SVEP1: variants seen among roughly 807,000 people sequenced by gnomAD.
The protein encoded by SVEP1 is sushi, von Willebrand factor type A, EGF and pentraxin domain containing 1, also known as sushi, von Willebrand factor type A, EGF and pentraxin domain-containing protein 1.
In SVEP1, 164 loss-of-function variants were observed where a neutral mutation model predicts 367.3. The observed-to-expected ratio is 0.45, with a 90% CI of 0.39 to 0.51. The LOEUF is 0.51. Ranked by LOEUF, SVEP1 falls within the 20% of genes least tolerant of loss-of-function variation. The probability of loss-of-function intolerance (pLI) is 0.00; values close to 1 mark genes in which losing one functional copy is unlikely to be tolerated. For synonymous variants in SVEP1, 1,666 were observed against 1,611.6 expected (o/e 1.03, Z -0.81); for missense variants, 4,117 against 4,425.3 (o/e 0.93, Z 1.98).
intron 40 of SVEP1, among the ~76,000 whole-genome samples, chr9:110,390,275 T>TTATATAAGTATGTGTATATATACG (rs1564127458): frequency 0.12 from 8,038 of 67,008 alleles, 621 homozygotes; most frequent in African/African-American, 0.13. Flanking sequence ...ATATATATAC[T>TTATATAAGTATGTGTATATATACG]TATATATATA....
chr9:110,447,087 A>G (rs1428429663), intron 24 of SVEP1, 30 bp from the exon 25 acceptor site: 5 of 1,443,868 alleles, frequency 3.5e-6, no homozygotes, highest in Non-Finnish European at 3.6e-6. Flanking sequence ...TGTAACAATT[A>G]GAACAGTTGT....
intron 3 of SVEP1, among the ~76,000 whole-genome samples, chr9:110,527,372 T>A (rs1829952460): frequency 1.3e-5 from 2 of 152,022 alleles, no homozygotes; most frequent in Non-Finnish European, 2.9e-5. Context: ...GCAGAGAAAC[T>A]GCATTTTTTA....
intron 2 of SVEP1, among the ~76,000 whole-genome samples, chr9:110,549,342 T>C (rs1830255434): frequency 6.6e-6 from 1 of 152,166 alleles, no homozygotes; most frequent in South Asian, 2.1e-4. Context: ...CCTTCCCTTT[T>C]AGGGTTAATG....
intron 8 of SVEP1, among the ~76,000 whole-genome samples, chr9:110,492,696 TG>T (rs942128071): frequency 6.6e-6 from 1 of 151,896 alleles, no homozygotes; most frequent in African/African-American, 2.4e-5. Context: ...GGGCAAGGAA[TG>T]GGGAGGAATA....
At chr9:110,491,884 T>C (rs1471485305) in intron 8 of SVEP1, among the ~76,000 whole-genome samples, 2 of 152,066 alleles carry the variant, frequency 1.3e-5, no homozygotes, top group Non-Finnish European at 2.9e-5. Flanking sequence ...GCTATGACTG[T>C]ACATAAAAAG....
intron 18 of SVEP1, among the ~76,000 whole-genome samples, chr9:110,463,123 CT>C (rs1200348292): frequency 1.3e-5 from 2 of 151,944 alleles, no homozygotes; most frequent in Non-Finnish European, 1.5e-5. Flanking sequence ...CCTGAGCCTC[CT>C]TTTAACTTCA....
rs1829745394 is a variant in SVEP1 at position 110,512,977 on chromosome 9, T to C, written c.1252A>G (p.Ile418Val). The C allele has an allele frequency of 6.2e-7, 1 of 1,613,898 alleles. No individual in the cohort carries two copies. The highest frequency in any genetic ancestry group is 1.3e-5 in the African/African-American group (1 of 74,934). The part of the protein sequence containing the change: ...PGFDLVGSSI[I>V]LCLPNGLWSG... ...CACAAACCATTGGGTAGACATAAGA[T>C]GATGCTGCTTCCCACAAGATCAAAT... is the stretch of plus-strand genomic sequence containing the variant. Residue 418 changes from isoleucine (I) to valine (V), a missense_variant, in exon 5 of 48, where the codon ATC (isoleucine) becomes GTC (valine). Transcript: ENST00000374469.
chr9:110,522,945 T>G (rs1420913459), intron 3 of SVEP1, among the ~76,000 whole-genome samples: 2 of 152,236 alleles, frequency 1.3e-5, no homozygotes, highest in Non-Finnish European at 2.9e-5. Flanking sequence ...TTGCCTTTTC[T>G]ACTTTGCTTC....
intron 1 of SVEP1, among the ~76,000 whole-genome samples, chr9:110,558,579 C>T (rs1830384203): frequency 6.9e-6 from 1 of 145,900 alleles, no homozygotes; most frequent in South Asian, 2.2e-4. Context: ...AAAGTCAAAA[C>T]CTCCATAAAA....
intron 36 of SVEP1, among the ~76,000 whole-genome samples, chr9:110,424,485 A>G (rs945216614): frequency 3.9e-5 from 6 of 152,232 alleles, no homozygotes; most frequent in Non-Finnish European, 8.8e-5. Flanking sequence ...ATAAAGACAA[A>G]TATCCATGTT....
chr9:110,438,631 CTGTT>C (rs1828467603), intron 27 of SVEP1, among the ~76,000 whole-genome samples: 1 of 152,112 alleles, frequency 6.6e-6, no homozygotes, highest in Non-Finnish European at 1.5e-5. Context: ...TGAGATAAAC[CTGTT>C]TATTTATACA....
chr9:110,488,678 C>CAGTG (rs1829322534), intron 9 of SVEP1, among the ~76,000 whole-genome samples: 1 of 151,412 alleles, frequency 6.6e-6, no homozygotes, highest in Non-Finnish European at 1.5e-5. Context: ...TCTGGGAACA[C>CAGTG]AGTGAGACCT....
intron 41 of SVEP1, among the ~76,000 whole-genome samples, chr9:110,388,400 G>A (rs1827558744): frequency 1.3e-5 from 2 of 152,164 alleles, no homozygotes; most frequent in African/African-American, 2.4e-5. Context: ...GGCAGAGAAG[G>A]TGGTTCTAGA....
At chr9:110,390,050 C>A (rs1308254122) in intron 40 of SVEP1, among the ~76,000 whole-genome samples, 1 of 116,036 alleles carries the variant, frequency 8.6e-6, no homozygotes, top group Non-Finnish European at 1.8e-5. Flanking sequence ...AGTATATATA[C>A]ACGTATATAT....
chr9:110,408,207 T>A lies in SVEP1; in HGVS notation c.7393A>T (p.Thr2465Ser). The change falls in exon 38 of 48, where the codon ACC (threonine) becomes TCC (serine). Residue 2465 changes from threonine to serine, a missense_variant. Transcript: ENST00000374469. ...ACCAATTCAAAGCCTGGCTTGCAGG[T>A]ATAGAGAGCTGTGCTGAGATAGGCA... Reference protein sequence around the residue: ...GLAYLSTALYTCKPGFELVGN... With the variant: ...GLAYLSTALYSCKPGFELVGN... 1 of 1,613,890 alleles carries A rather than the reference T, an allele frequency of 6.2e-7. No homozygotes were observed. Among genetic ancestry groups the A allele is most frequent in the Non-Finnish European group, 8.5e-7 (1 of 1,179,862 alleles).
chr9:110,575,342 C>T (rs1006253697), intron 1 of SVEP1, among the ~76,000 whole-genome samples: 3 of 152,134 alleles, frequency 2.0e-5, no homozygotes, highest in Non-Finnish European at 4.4e-5. Context: ...TTCTCAGAGG[C>T]CCCGGGCAAG....
intron 40 of SVEP1, among the ~76,000 whole-genome samples, chr9:110,395,907 G>C (rs994559306): frequency 1.1e-4 from 16 of 151,980 alleles, no homozygotes; most frequent in South Asian, 6.3e-4. Flanking sequence ...AATAATGGGA[G>C]ACTTTAACAC....
chr9:110,500,795 T>A (rs1003239917), intron 6 of SVEP1, among the ~76,000 whole-genome samples: 9 of 152,106 alleles, frequency 5.9e-5, no homozygotes, highest in Admixed American at 1.3e-4. Context: ...TCTTAATCTT[T>A]GCAGATTAAA....
At chr9:110,518,772 C>G (rs571381171) in intron 3 of SVEP1, among the ~76,000 whole-genome samples, 16 of 152,180 alleles carry the variant, frequency 1.1e-4, no homozygotes, top group Non-Finnish European at 7.3e-5. Flanking sequence ...ACCTCATCAT[C>G]TCTCTTCTGG....
Sources: allele counts gnomAD v4.1 joint callset (sites outside exome capture counted in the v4.1 genomes callset), GRCh38; gene constraint gnomAD v4.1.1; transcripts MANE v1.5; gene names NCBI Gene and HGNC (gene_info 2026-07-23, HGNC 2026-07-21).